Variants in DRC8 observed in about 807,000 individuals in gnomAD.
DRC8 encodes dynein regulatory complex subunit 8.
chr1:245,117,401 C>A, the DRC8 span, among the ~76,000 whole-genome samples: 1 of 151,974 alleles, frequency 6.6e-6, no homozygotes, highest in Non-Finnish European at 1.5e-5. Flanking sequence ...AAAGCACATC[C>A]ACTTATTTTT....
At chr1:245,019,634 A>G in the DRC8 span, among the ~76,000 whole-genome samples, 1 of 151,872 alleles carries the variant, frequency 6.6e-6, no homozygotes, top group South Asian at 2.1e-4. Context: ...TAGCCTCCCA[A>G]AGTGTTGGTA....
At chr1:245,055,354 C>T in the DRC8 span, among the ~76,000 whole-genome samples, 1 of 152,194 alleles carries the variant, frequency 6.6e-6, no homozygotes, top group Admixed American at 6.5e-5. Flanking sequence ...CGATCTCACT[C>T]TGTCACCCAG....
At chr1:245,058,490 G>A in the DRC8 span, among the ~76,000 whole-genome samples, 3 of 151,942 alleles carry the variant, frequency 2.0e-5, no homozygotes, top group East Asian at 1.9e-4. Flanking sequence ...TATTTAAAAC[G>A]TTTTCTTTGT....
the DRC8 span, among the ~76,000 whole-genome samples, chr1:244,998,944 G>A: frequency 6.6e-6 from 1 of 151,742 alleles, no homozygotes; most frequent in Non-Finnish European, 1.5e-5. Context: ...CAGGGAGCTG[G>A]GAGAGGAAAG....
chr1:244,970,823 GCTGCGCCGGA>G, the DRC8 span: 1 of 333,986 alleles, frequency 3.0e-6, no homozygotes, highest in Non-Finnish European at 5.5e-6. Flanking sequence ...TCCTGCGCGG[GCTGCGCCGGA>G]GGCGCCGGCA....
At chr1:244,999,487 C>T in the DRC8 span, among the ~76,000 whole-genome samples, 1 of 152,126 alleles carries the variant, frequency 6.6e-6, no homozygotes, top group Admixed American at 6.6e-5. Context: ...TCCAGGACCC[C>T]TCATCATTAA....
the DRC8 span, among the ~76,000 whole-genome samples, chr1:244,998,896 T>C: frequency 6.6e-6 from 1 of 152,078 alleles, no homozygotes; most frequent in Non-Finnish European, 1.5e-5. Context: ...GAACATCTGA[T>C]TGGCTGAGTA....
At chr1:245,009,919 A>G in the DRC8 span, among the ~76,000 whole-genome samples, 2 of 152,064 alleles carry the variant, frequency 1.3e-5, no homozygotes, top group African/African-American at 4.8e-5. Context: ...CAGTGGCACA[A>G]TCTTGGCTCA....
the DRC8 span, among the ~76,000 whole-genome samples, chr1:245,102,736 A>G: frequency 6.6e-6 from 1 of 152,276 alleles, no homozygotes; most frequent in East Asian, 1.9e-4. Context: ...AAAACAGAGT[A>G]GGAGGCAGGT....
At chr1:245,053,496 C>T in the DRC8 span, among the ~76,000 whole-genome samples, 8 of 152,168 alleles carry the variant, frequency 5.3e-5, no homozygotes, top group Non-Finnish European at 8.8e-5. Context: ...AGGAAGGAAC[C>T]TCATCCAGTG....
chr1:245,081,844 T>G, the DRC8 span, among the ~76,000 whole-genome samples: 10 of 152,296 alleles, frequency 6.6e-5, 1 homozygote, highest in East Asian at 1.7e-3. Context: ...CACAGTGTCT[T>G]TGGTTGCTGT....
the DRC8 span, among the ~76,000 whole-genome samples, chr1:245,109,448 C>T: frequency 4.6e-5 from 7 of 152,154 alleles, no homozygotes; most frequent in East Asian, 1.2e-3. Flanking sequence ...TGCACTGCTT[C>T]CCTCCATTCA....
the DRC8 span, chr1:245,083,540 T>A: frequency 6.3e-7 from 1 of 1,581,470 alleles, no homozygotes; most frequent in Non-Finnish European, 8.6e-7. Flanking sequence ...TTTATTTACA[T>A]ACACACATAT....
the DRC8 span, among the ~76,000 whole-genome samples, chr1:245,105,398 T>C: frequency 1.3e-5 from 2 of 152,086 alleles, no homozygotes; most frequent in African/African-American, 4.8e-5. Context: ...GGAATTCCTC[T>C]ATTAAAGATA....
chr1:245,050,727 T>G, the DRC8 span, among the ~76,000 whole-genome samples: 1 of 152,140 alleles, frequency 6.6e-6, no homozygotes. Flanking sequence ...CACGGTGTAC[T>G]CTATACTTGT....
At chr1:245,052,698 C>T in the DRC8 span, among the ~76,000 whole-genome samples, 1 of 152,150 alleles carries the variant, frequency 6.6e-6, no homozygotes, top group South Asian at 2.1e-4. Flanking sequence ...CTGGGGAGCA[C>T]CCAGAAATAC....
At chr1:244,993,208 C>T in the DRC8 span, among the ~76,000 whole-genome samples, 21 of 152,272 alleles carry the variant, frequency 1.4e-4, no homozygotes, top group Non-Finnish European at 2.4e-4. Context: ...GTGGTGACTG[C>T]GCAGTGGTAT....
chr1:245,067,570 C>G, the DRC8 span, among the ~76,000 whole-genome samples: 1 of 152,152 alleles, frequency 6.6e-6, no homozygotes, highest in African/African-American at 2.4e-5. Context: ...CCACAAGCCC[C>G]GGAGGTCCCA....
At chr1:245,105,362 T>G in the DRC8 span, among the ~76,000 whole-genome samples, 1 of 152,102 alleles carries the variant, frequency 6.6e-6, no homozygotes, top group Non-Finnish European at 1.5e-5. Context: ...AAAAAGATTC[T>G]ATCATTCCTT....
Sources: allele counts gnomAD v4.1 joint callset (sites outside exome capture counted in the v4.1 genomes callset), GRCh38; gene constraint gnomAD v4.1.1; transcripts MANE v1.5; gene names NCBI Gene and HGNC (gene_info 2026-07-23, HGNC 2026-07-21).